The following ENTHD1 variants were observed in gnomAD, a reference collection of about 807,000 sequenced individuals.
The protein encoded by ENTHD1 is ENTH domain containing 1.
A neutral mutation model predicts 39.1 loss-of-function variants in ENTHD1; 23 were observed. The observed-to-expected ratio is 0.59, with a 90% CI of 0.42 to 0.83. The LOEUF (loss-of-function observed/expected upper bound fraction) is 0.83, where lower values mean the gene tolerates loss of function less well. ENTHD1 is among the 40% of genes least tolerant of loss of function. ENTHD1 has a pLI of 0.00. For missense variants in ENTHD1, 624 were observed against 705.4 expected, an observed-to-expected ratio of 0.88 and a Z score of 1.31; for synonymous variants, 230 against 258.2, an observed-to-expected ratio of 0.89 and a Z score of 1.05.
Position 39,753,913 on chromosome 22 carries a change from G to A in ENTHD1, c.1220-9630C>T, listed in dbSNP as rs560680459. Among the ~76,000 whole-genome samples the A allele has an allele frequency of 3.5e-3, 534 of 152,170 alleles. 4 individuals carry two copies. The highest frequency in any genetic ancestry group is 0.011 in the African/African-American group (468 of 41,514). On this transcript the variant is annotated intron_variant, in intron 6 of 6. Transcript: ENST00000325157. ...GCCTCACTGAGAGAACAGATGCAAC[G>A]AAAATCCTCTTATTTTCTCCCACTC...
rs975404280 is a variant in ENTHD1 at position 39,745,066 on chromosome 22, C to T, written c.1220-783G>A. Among the ~76,000 whole-genome samples, 3 of 152,192 alleles carry T rather than the reference C, an allele frequency of 2.0e-5. No homozygotes were observed. The East Asian group carries it at 5.8e-4, about 29-fold the overall frequency. ...GTTTTGTAAAAACAGGCTTCATAGT[C>T]AATACACCTGGGCAGTTGCATACTG... On this transcript the variant is annotated intron_variant, in intron 6 of 6. Transcript: ENST00000325157.
At chr22:39,754,208 C>T (rs1039308398) in intron 6 of ENTHD1, among the ~76,000 whole-genome samples, 3 of 152,238 alleles carry the variant, frequency 2.0e-5, no homozygotes, top group African/African-American at 7.2e-5. Context: ...TCTAATAAAA[C>T]TTTATTTACC....
At chr22:39,838,723 G>T (rs1179375176) in intron 3 of ENTHD1, among the ~76,000 whole-genome samples, 1 of 151,938 alleles carries the variant, frequency 6.6e-6, no homozygotes, top group Non-Finnish European at 1.5e-5. Context: ...AACAATAATT[G>T]TAATAAGTCA....
intron 3 of ENTHD1, 142 bp downstream of exon 3, chr22:39,861,623 G>A: frequency 1.6e-6 from 1 of 618,264 alleles, no homozygotes; most frequent in Non-Finnish European, 2.3e-6. Flanking sequence ...CTTCGTTGTT[G>A]TTTTCTATAG....
intron 4 of ENTHD1, among the ~76,000 whole-genome samples, chr22:39,821,328 C>T (rs753544103): frequency 3.9e-5 from 6 of 152,086 alleles, no homozygotes; most frequent in African/African-American, 7.2e-5. Flanking sequence ...AAGACACCGT[C>T]GGTAGATAGC....
chr22:39,889,097 T>C (rs1043848556), intron 1 of ENTHD1, among the ~76,000 whole-genome samples: 4 of 152,232 alleles, frequency 2.6e-5, no homozygotes, highest in Non-Finnish European at 5.9e-5. Flanking sequence ...CTAAAACCTC[T>C]ATTTTAGTCC....
intron 5 of ENTHD1, among the ~76,000 whole-genome samples, chr22:39,778,393 A>G (rs796529941): frequency 4.6e-5 from 7 of 152,352 alleles, no homozygotes; most frequent in African/African-American, 1.7e-4. Context: ...AGTGATATGA[A>G]GAACTATAAC....
intron 3 of ENTHD1, among the ~76,000 whole-genome samples, chr22:39,858,813 T>G (rs2066116574): frequency 6.6e-6 from 1 of 152,218 alleles, no homozygotes; most frequent in Admixed American, 6.5e-5. Context: ...AAAGGAGCAG[T>G]TGGCTTCAAC....
At chr22:39,749,509 CTG>C (rs1359509118) in intron 6 of ENTHD1, among the ~76,000 whole-genome samples, 1 of 152,134 alleles carries the variant, frequency 6.6e-6, no homozygotes, top group African/African-American at 2.4e-5. Flanking sequence ...CAAAAATAAA[CTG>C]AGAAATTTCT....
chr22:39,744,098 G>A lies in ENTHD1; in HGVS notation c.1405C>T (p.His469Tyr), dbSNP rs751463026. The change falls in exon 7 of 7, where the codon CAT (histidine) becomes TAT (tyrosine). Residue 469 changes from histidine (H) to tyrosine (Y), a missense_variant. His to Tyr is a moderately conservative substitution (Grantham distance 83). Coordinates refer to ENST00000325157, the MANE Select transcript of ENTHD1 (RefSeq NM_152512.4). ...GGGCCCCTAGAAGCAAAGGAGTGAT[G>A]CAGCTTGGCTGTCTTATCTTCATCT... ...FKDEDKTAKL[H>Y]HSFASRGPVS... is the part of the protein sequence containing the mutation. 4 of 1,614,136 alleles carry A rather than the reference G, an allele frequency of 2.5e-6. No homozygotes were observed. The highest frequency in any genetic ancestry group is 2.5e-6 in the Non-Finnish European group (3 of 1,179,996).
At chr22:39,780,854 C>A (rs950450565) in intron 5 of ENTHD1, among the ~76,000 whole-genome samples, 2 of 152,016 alleles carry the variant, frequency 1.3e-5, no homozygotes, top group Non-Finnish European at 2.9e-5. Context: ...AAAAAATTAG[C>A]CAGGCATGGT....
chr22:39,776,248 C>A (rs1384525527), intron 5 of ENTHD1, among the ~76,000 whole-genome samples: 1 of 152,208 alleles, frequency 6.6e-6, no homozygotes, highest in Non-Finnish European at 1.5e-5. Context: ...TCTGTAAACA[C>A]TAAACTGATT....
intron 6 of ENTHD1, among the ~76,000 whole-genome samples, chr22:39,748,830 G>T (rs1053789798): frequency 1.3e-5 from 2 of 152,092 alleles, no homozygotes; most frequent in Non-Finnish European, 1.5e-5. Context: ...CTCAAAATGT[G>T]ACTGCAGTAG....
Position 39,743,998 on chromosome 22 carries a change from T to A in ENTHD1, c.1505A>T (p.Lys502Ile), listed in dbSNP as rs999477775. The A allele has an allele frequency of 6.2e-7, 1 of 1,614,096 alleles. No individual in the cohort carries two copies. The highest frequency in any genetic ancestry group is 1.3e-5 in the African/African-American group (1 of 74,946). ...GILPNNSDSA[K>I]KNISHISSSH... ...ACTAGAAATGTGACTTATATTCTTT[T>A]TAGCAGAATCAGAGTTATTTGGAAG... The change falls in exon 7 of 7, where the codon AAA becomes ATA. Residue 502 changes from lysine to isoleucine, a missense_variant. By Grantham distance (102) the Lys-to-Ile change is moderately radical. Coordinates refer to ENST00000325157, the MANE Select transcript of ENTHD1 (RefSeq NM_152512.4).
At chr22:39,790,743 T>G (rs996998375) in intron 5 of ENTHD1, among the ~76,000 whole-genome samples, 1 of 152,212 alleles carries the variant, frequency 6.6e-6, no homozygotes, top group African/African-American at 2.4e-5. Flanking sequence ...GCACTAGTTC[T>G]TGGTGTCTCC....
chr22:39,871,288 A>C (rs2066241870), intron 2 of ENTHD1, among the ~76,000 whole-genome samples: 2 of 152,130 alleles, frequency 1.3e-5, no homozygotes, highest in African/African-American at 4.8e-5. Context: ...TAGGAAATGA[A>C]AATAATAAAA....
chr22:39,752,776 A>G (rs751124178), intron 6 of ENTHD1, among the ~76,000 whole-genome samples: 29 of 152,330 alleles, frequency 1.9e-4, no homozygotes, highest in Non-Finnish European at 3.4e-4. Context: ...CAGGAGATGT[A>G]TACTACAAGA....
At chr22:39,824,975 G>C (rs1392851020) in intron 4 of ENTHD1, among the ~76,000 whole-genome samples, 1 of 152,134 alleles carries the variant, frequency 6.6e-6, no homozygotes, top group African/African-American at 2.4e-5. Context: ...ATTTTAATAG[G>C]AATTACATTA....
intron 6 of ENTHD1, among the ~76,000 whole-genome samples, chr22:39,763,699 GGTA>G (rs1029012681): frequency 1.3e-5 from 2 of 151,972 alleles, no homozygotes; most frequent in Non-Finnish European, 2.9e-5. Context: ...AATTATTTTT[GGTA>G]GTAGAATTAG....
Sources: allele counts gnomAD v4.1 joint callset (sites outside exome capture counted in the v4.1 genomes callset), GRCh38; gene constraint gnomAD v4.1.1; transcripts MANE v1.5; gene names NCBI Gene and HGNC (gene_info 2026-07-23, HGNC 2026-07-21).